Variants in CHGB observed in about 807,000 individuals in gnomAD.
The protein encoded by CHGB is secretogranin-1.
CHGB carries 46 observed loss-of-function variants against 69.9 expected under a neutral mutation model. The observed-to-expected ratio is 0.66, with a 90% CI of 0.52 to 0.84. The LOEUF (loss-of-function observed/expected upper bound fraction) is 0.84, where lower values mean the gene tolerates loss of function less well. Among genes scored for constraint, CHGB ranks in the 40% least tolerant of loss-of-function variants. The pLI, the probability that CHGB is intolerant of heterozygous loss-of-function variation, is 0.00. For missense variants in CHGB, 796 were observed against 822.2 expected, an observed-to-expected ratio of 0.97 and a Z score of 0.39; for synonymous variants, 312 against 298.2, an observed-to-expected ratio of 1.05 and a Z score of -0.48.
Position 5,923,137 on chromosome 20 carries a change from C to G in CHGB, c.993C>G (p.His331Gln). The G allele has an allele frequency of 6.2e-7, 1 of 1,614,158 alleles. No individual in the cohort carries two copies. The highest frequency in any genetic ancestry group is 8.5e-7 in the Non-Finnish European group (1 of 1,180,026). Residue 331 changes from histidine (H) to glutamine (Q), a missense_variant, in exon 4 of 5, where the codon CAC (histidine) becomes CAG (glutamine). By Grantham distance (24) the His-to-Gln change is conservative. Coordinates refer to ENST00000378961, the MANE Select transcript of CHGB (RefSeq NM_001819.3). The part of the protein sequence containing the change: ...LGEKRDHHST[H>Q]YRASEEEPEY... ...AAAAGAGGGACCACCATTCAACCCA[C>G]TACAGGGCTTCAGAGGAAGAACCTG...
rs780332142 is a variant in CHGB at position 5,923,418 on chromosome 20, A to G, written c.1274A>G (p.Glu425Gly). The G allele has an allele frequency of 3.7e-6, 6 of 1,614,042 alleles. No individual in the cohort carries two copies. In the South Asian group the frequency reaches 5.5e-5, roughly 15 times the overall value. The change falls in exon 4 of 5, where the codon GAG becomes GGG. Residue 425 changes from glutamate (E) to glycine (G), a missense_variant. Glu to Gly is a moderately conservative substitution (Grantham distance 98). Around this residue, in one of 3 missense-constraint regions of CHGB, gnomAD observed 274 missense variants for 298.9 expected, o/e 0.92. Transcript: ENST00000378961. Reference sequence around the variant, plus strand: ...CGCCATCACAGAGGCAGGGGAGGGGAGCCACGTGCCTATTTCATGTCTGAC... The same window carrying G: ...CGCCATCACAGAGGCAGGGGAGGGGGGCCACGTGCCTATTTCATGTCTGAC... ...KGRHHRGRGG[E>G]PRAYFMSDTR...
At chr20:5,917,085 TA>T in intron 3 of CHGB, 166 bp downstream of exon 3, 1 of 660,728 alleles carries the variant, frequency 1.5e-6, no homozygotes. Context: ...ATATGACTCC[TA>T]GTTCCTGCTT....
At chr20:5,917,775 C>G (rs1364333281) in intron 3 of CHGB, 1 of 149,606 alleles carries the variant, frequency 6.7e-6, no homozygotes, top group African/African-American at 2.6e-5. Flanking sequence ...CTCTTCAACA[C>G]TGTCCTCTGC....
chr20:5,918,039 C>T (rs1028700070), intron 3 of CHGB: 4 of 148,774 alleles, frequency 2.7e-5, no homozygotes, highest in Non-Finnish European at 4.4e-5. Flanking sequence ...TCCCACTACT[C>T]AGGAGGCCGA....
chr20:5,913,444 G>A (rs1268608939), intron 1 of CHGB, among the ~76,000 whole-genome samples: 1 of 152,080 alleles, frequency 6.6e-6, no homozygotes, highest in Non-Finnish European at 1.5e-5. Flanking sequence ...ACAGGGCTGG[G>A]GGAAGCCTCA....
chr20:5,924,206 A>G, intron 4 of CHGB, 106 bp downstream of exon 4: 1 of 1,428,930 alleles, frequency 7.0e-7, no homozygotes, highest in Non-Finnish European at 9.2e-7. Context: ...GGAATTAATC[A>G]CTATGAAAAT....
At position 5,922,365 on chromosome 20, in the gene CHGB, C is replaced by T. The variant is rs866540689; in HGVS notation, c.221C>T (p.Thr74Ile). ...SRKDVKDKETTENENTKFEVR... is the reference protein window; with the variant it reads ...SRKDVKDKETIENENTKFEVR... ...AAAGACGTCAAAGACAAAGAGACAA[C>T]TGAAAATGAAAACACAAAGTTTGAA... The change falls in exon 4 of 5, where the codon ACT becomes ATT. Residue 74 changes from threonine to isoleucine, a missense_variant. Thr to Ile is a moderately conservative substitution (Grantham distance 89). Transcript: ENST00000378961. 2 of 1,563,544 alleles carry T rather than the reference C, an allele frequency of 1.3e-6. No homozygotes were observed. The highest frequency in any genetic ancestry group is 1.9e-5 in the Admixed American group (1 of 52,544).
chr20:5,920,764 C>A (rs2088509193), intron 3 of CHGB, among the ~76,000 whole-genome samples: 1 of 152,238 alleles, frequency 6.6e-6, no homozygotes, highest in Non-Finnish European at 1.5e-5. Context: ...GCTATACACA[C>A]CACCACTGGC....
intron 3 of CHGB, 61 bp downstream of exon 3, chr20:5,916,980 T>A (rs1338348147): frequency 7.0e-7 from 1 of 1,426,738 alleles, no homozygotes; most frequent in African/African-American, 1.4e-5. Flanking sequence ...TCCTACTCCC[T>A]CCACATCACC....
At chr20:5,917,159 A>G in intron 3 of CHGB, 2 of 529,946 alleles carry the variant, frequency 3.8e-6, no homozygotes, top group Non-Finnish European at 6.8e-6. Context: ...TCAAAGTAAA[A>G]TGAAGGAGTT....
chr20:5,914,212 A>G (rs898693314), intron 1 of CHGB, among the ~76,000 whole-genome samples: 1 of 152,204 alleles, frequency 6.6e-6, no homozygotes, highest in Non-Finnish European at 1.5e-5. Context: ...TACTTTAAGG[A>G]TGACAACATG....
At chr20:5,919,714 T>C (rs2088502492) in intron 3 of CHGB, among the ~76,000 whole-genome samples, 1 of 152,232 alleles carries the variant, frequency 6.6e-6, no homozygotes, top group East Asian at 1.9e-4. Flanking sequence ...TTTTATCCTA[T>C]TCTAGTTCTC....
In CHGB at chr20:5,923,587, G is replaced by A. The variant is rs867794318; in HGVS notation, c.1443G>A (p.Gly481=). ...YLNYGEEGAP[G]KWQQQGDLQD... ...ACTACGGTGAGGAAGGAGCCCCAGG[G>A]AAGTGGCAGCAGCAGGGAGACCTGC... The change falls in exon 4 of 5, where the codon GGG becomes GGA. Residue 481 remains glycine (G), a synonymous_variant. Coordinates refer to ENST00000378961, the MANE Select transcript of CHGB (RefSeq NM_001819.3). 1.2e-6 allele frequency: 2 copies of A among 1,614,058 alleles called. No homozygotes were observed. Among genetic ancestry groups the A allele is most frequent in the African/African-American group, 1.3e-5 (1 of 74,934 alleles).
In CHGB at chr20:5,922,473, A is replaced by G. The variant is rs1600214059; in HGVS notation, c.329A>G (p.Glu110Gly). The G allele has an allele frequency of 6.2e-7, 1 of 1,613,534 alleles. No homozygotes were observed. Among genetic ancestry groups the G allele is most frequent in the Non-Finnish European group, 8.5e-7 (1 of 1,179,620 alleles). The change falls in exon 4 of 5, where the codon GAG (glutamate) becomes GGG (glycine). Residue 110 changes from glutamate to glycine, a missense_variant. Glu to Gly is a moderately conservative substitution (Grantham distance 98). Around this residue, in one of 3 missense-constraint regions of CHGB, gnomAD observed 518 missense variants for 506.3 expected, o/e 1.02. Coordinates refer to ENST00000378961, the MANE Select transcript of CHGB (RefSeq NM_001819.3). ...SRGEAGAPGE[E>G]DIQGPTKADT... ...GGAGAGGCAGGAGCCCCAGGGGAGG[A>G]GGACATCCAAGGCCCAACAAAGGCA...
chr20:5,922,268 C>T, intron 3 of CHGB, 67 bp from the exon 4 acceptor site: 1 of 1,479,754 alleles, frequency 6.8e-7, no homozygotes, highest in Non-Finnish European at 9.0e-7. Context: ...GTAGTGATTA[C>T]TGAGGCTGGT....
chr20:5,916,685 T>C, intron 2 of CHGB, 141 bp from the exon 3 acceptor site: 1 of 765,978 alleles, frequency 1.3e-6, no homozygotes, highest in Non-Finnish European at 2.3e-6. Context: ...ATTCTGTTCC[T>C]GTAAATCTGT....
chr20:5,911,897 AG>A (rs1374609469), intron 1 of CHGB, among the ~76,000 whole-genome samples: 2 of 152,212 alleles, frequency 1.3e-5, no homozygotes, highest in African/African-American at 4.8e-5. Flanking sequence ...TAGCCCAACC[AG>A]GGGAGCCTCA....
chr20:5,913,628 C>CTTTTCTTTTCTTTTTTTTTTTT (rs1289315671), intron 1 of CHGB, among the ~76,000 whole-genome samples: 1 of 90,474 alleles, frequency 1.1e-5, no homozygotes, highest in African/African-American at 3.7e-5. Flanking sequence ...CTTTTCTTTT[C>CTTTTCTTTTCTTTTTTTTTTTT]TTTTTTTTTT....
At chr20:5,918,702 C>T (rs959567330) in intron 3 of CHGB, among the ~76,000 whole-genome samples, 14 of 150,392 alleles carry the variant, frequency 9.3e-5, no homozygotes, top group African/African-American at 3.4e-4. Context: ...GTCCCAGCTA[C>T]TCAGGAGGCT....
Sources: gnomAD v4.1 joint callset for allele counts (sites outside exome capture counted in the v4.1 genomes callset) on GRCh38, gnomAD v4.1.1 for gene constraint, gnomAD v4.1.1 regional missense constraint, MANE v1.5 for transcripts, NCBI Gene and HGNC (gene_info 2026-07-23, HGNC 2026-07-21) for gene names.